Variants in ZNF385D observed in about 807,000 individuals in gnomAD.
ZNF385D encodes the protein zinc finger protein 385D, also known as zinc finger protein 659.
In ZNF385D, 15 loss-of-function variants were observed where a neutral mutation model predicts 35.8. That is an observed-to-expected ratio of 0.42 (90% CI 0.28 to 0.64). ZNF385D has a LOEUF of 0.64. ZNF385D is among the 30% of genes least tolerant of loss of function. The pLI is 0.23. For missense variants in ZNF385D, 474 were observed against 494.6 expected (o/e 0.96, Z 0.39); for synonymous variants, 212 against 186.8 (o/e 1.13, Z -1.10).
At chr3:21,561,568 G>A (rs1414241537) in intron 3 of ZNF385D, among the ~76,000 whole-genome samples, 1 of 152,106 alleles carries the variant, frequency 6.6e-6, no homozygotes, top group Admixed American at 6.6e-5. Flanking sequence ...ACTGGGAGCT[G>A]CAGACTGGAG....
At chr3:22,110,809 G>A (rs184476048) in intron 3 of ZNF385D, among the ~76,000 whole-genome samples, 3 of 151,466 alleles carry the variant, frequency 2.0e-5, no homozygotes, top group Admixed American at 6.6e-5. Context: ...AGAAAAAAAT[G>A]TCAAGGAAAC....
chr3:22,231,037 G>GA (rs1698858235), intron 2 of ZNF385D, among the ~76,000 whole-genome samples: 1 of 152,116 alleles, frequency 6.6e-6, no homozygotes, highest in Admixed American at 6.6e-5. Context: ...AATATTGGGA[G>GA]AAAATGACAA....
chr3:21,839,211 T>G (rs1393568195), intron 3 of ZNF385D, among the ~76,000 whole-genome samples: 1 of 152,084 alleles, frequency 6.6e-6, no homozygotes, highest in Non-Finnish European at 1.5e-5. Flanking sequence ...TCCATTTTTT[T>G]GGTAACATTT....
intron 3 of ZNF385D, among the ~76,000 whole-genome samples, chr3:22,142,636 G>C (rs1332540587): frequency 2.0e-5 from 3 of 152,000 alleles, no homozygotes; most frequent in Non-Finnish European, 2.9e-5. Flanking sequence ...GTATAGACTA[G>C]ATCAATCCAA....
chr3:21,759,400 T>A (rs572818447), intron 3 of ZNF385D, among the ~76,000 whole-genome samples: 1 of 148,314 alleles, frequency 6.7e-6, no homozygotes, highest in Admixed American at 6.6e-5. Context: ...CAATGTAAGG[T>A]TGGAGAAGAA....
intron 2 of ZNF385D, among the ~76,000 whole-genome samples, chr3:22,308,150 C>T (rs577387048): frequency 1.3e-5 from 2 of 151,918 alleles, no homozygotes; most frequent in Admixed American, 6.6e-5. Context: ...AAAGAATGTA[C>T]GTTATTTAAA....
At position 21,552,372 on chromosome 3, in the gene ZNF385D, A is replaced by T. The variant is rs2062598184; in HGVS notation, c.276+12202T>A. ...TATGGACATGGCTGGTCAATAAGTA[A>T]ACAAAGTTAACATTTCCAGTACATG... On this transcript the variant is annotated intron_variant, in intron 3 of 7. Coordinates refer to ENST00000281523, the MANE Select transcript of ZNF385D (RefSeq NM_024697.3). Among the ~76,000 whole-genome samples the T allele has an allele frequency of 2.0e-5, 3 of 152,198 alleles. 1 individual carries two copies. The South Asian group carries it at 6.2e-4, about 31-fold the overall frequency.
At chr3:21,917,768 A>G (rs1700260023) in intron 3 of ZNF385D, among the ~76,000 whole-genome samples, 2 of 152,166 alleles carry the variant, frequency 1.3e-5, no homozygotes, top group African/African-American at 4.8e-5. Context: ...TCATATCTGT[A>G]CCCTCAGTGG....
intron 2 of ZNF385D, among the ~76,000 whole-genome samples, chr3:22,258,358 G>A (rs966510700): frequency 6.6e-6 from 1 of 151,908 alleles, no homozygotes; most frequent in East Asian, 1.9e-4. Context: ...ATAGTGCACA[G>A]TTTTCTCAAG....
Position 21,655,107 on chromosome 3 carries a change from CA to C in ZNF385D, c.165+9778del, listed in dbSNP as rs534812041. On this transcript the variant is annotated intron_variant, in intron 2 of 7. Transcript: ENST00000281523. ...GCAAAGAAATCACCTTGGGGAAGTG[CA>C]AAAAACAACAACAACAACAACAAAA... 1.8e-4 allele frequency among the ~76,000 whole-genome samples: 27 copies of C among 150,956 alleles called. No individual in the cohort carries two copies. In the South Asian group the frequency reaches 3.1e-3, roughly 17 times the overall value.
At chr3:21,452,659 G>A (rs1039620413) in intron 4 of ZNF385D, among the ~76,000 whole-genome samples, 10 of 151,934 alleles carry the variant, frequency 6.6e-5, no homozygotes, top group Admixed American at 5.3e-4. Context: ...CCAATAAAGT[G>A]TAAGACTTGT....
chr3:22,296,720 T>G (rs1399266946), intron 2 of ZNF385D, among the ~76,000 whole-genome samples: 1 of 152,122 alleles, frequency 6.6e-6, no homozygotes, highest in Non-Finnish European at 1.5e-5. Flanking sequence ...CCTCTGCAGC[T>G]GACATAGAAA....
chr3:21,639,034 G>A (rs2065526153), intron 2 of ZNF385D, among the ~76,000 whole-genome samples: 2 of 152,000 alleles, frequency 1.3e-5, no homozygotes, highest in Non-Finnish European at 2.9e-5. Context: ...ATCAAAAAGA[G>A]CAACTCTAAT....
At chr3:21,576,228 C>T (rs954494542) in intron 2 of ZNF385D, among the ~76,000 whole-genome samples, 2 of 152,140 alleles carry the variant, frequency 1.3e-5, no homozygotes, top group African/African-American at 4.8e-5. Flanking sequence ...CACAGTGGTC[C>T]CTTGAGGAAC....
Position 22,367,207 on chromosome 3 carries a change from T to C in ZNF385D, c.106+5243A>G, listed in dbSNP as rs1389659. On this transcript the variant is annotated intron_variant, in intron 2 of 5. Coordinates refer to the ZNF385D transcript ENST00000494108. ...TTTACGTGTATCACCTTATTAAGTC[T>C]TCAATCAGTGCTCTGAGATTTATTT... 7.3e-3 allele frequency among the ~76,000 whole-genome samples: 1,115 copies of C among 152,292 alleles called. 15 individuals carry two copies. The highest frequency in any genetic ancestry group is 0.025 in the African/African-American group (1,034 of 41,556).
At chr3:21,492,838 A>T (rs1031345081) in intron 4 of ZNF385D, among the ~76,000 whole-genome samples, 2 of 151,472 alleles carry the variant, frequency 1.3e-5, no homozygotes, top group Middle Eastern at 3.4e-3. Context: ...ACAACTGAGA[A>T]AAACTATCTG....
intron 3 of ZNF385D, among the ~76,000 whole-genome samples, chr3:21,893,562 C>G (rs1698989924): frequency 6.6e-6 from 1 of 152,104 alleles, no homozygotes; most frequent in Non-Finnish European, 1.5e-5. Context: ...TTATTGTGTC[C>G]TTAAATAATT....
intron 3 of ZNF385D, among the ~76,000 whole-genome samples, chr3:21,968,302 T>C (rs1703027945): frequency 6.6e-6 from 1 of 152,110 alleles, no homozygotes; most frequent in Non-Finnish European, 1.5e-5. Flanking sequence ...TAAAGGGCTC[T>C]GGGGTTCTAA....
intron 2 of ZNF385D, among the ~76,000 whole-genome samples, chr3:22,300,587 A>G (rs949360095): frequency 6.6e-6 from 1 of 151,962 alleles, no homozygotes; most frequent in Admixed American, 6.6e-5. Context: ...TCAACAATTC[A>G]ATAGCAAGAA....
Sources: gnomAD v4.1 joint callset for allele counts (sites outside exome capture counted in the v4.1 genomes callset) on GRCh38, gnomAD v4.1.1 for gene constraint, MANE v1.5 for transcripts, NCBI Gene and HGNC (gene_info 2026-07-23, HGNC 2026-07-21) for gene names.